Variants in UNC5C observed in about 807,000 individuals in gnomAD.
UNC5C encodes the protein netrin receptor UNC5C.
In UNC5C, 47 loss-of-function variants were observed where a neutral mutation model predicts 99.8. The ratio of observed to expected loss-of-function variants is 0.47; its 90% CI spans 0.37 to 0.60. UNC5C has a LOEUF of 0.60. UNC5C is among the 20% of genes least tolerant of loss of function. The probability of loss-of-function intolerance (pLI) is 0.00; values close to 1 mark genes in which losing one functional copy is unlikely to be tolerated. For synonymous variants in UNC5C, 487 were observed against 452.2 expected (o/e 1.08, Z -0.98); for missense variants, 1,062 against 1,165.9 (o/e 0.91, Z 1.30).
chr4:95,501,192 A>T (rs1721767293), intron 1 of UNC5C, among the ~76,000 whole-genome samples: 1 of 152,056 alleles, frequency 6.6e-6, no homozygotes, highest in African/African-American at 2.4e-5. Flanking sequence ...TGATAGTACA[A>T]TTAGGTTTTG....
intron 1 of UNC5C, among the ~76,000 whole-genome samples, chr4:95,378,788 C>T (rs939215269): frequency 4.6e-5 from 7 of 152,090 alleles, no homozygotes; most frequent in Admixed American, 1.3e-4. Flanking sequence ...TAGTGACTTC[C>T]TATAGCTACT....
At chr4:95,438,033 G>A (rs1465597698) in intron 1 of UNC5C, among the ~76,000 whole-genome samples, 2 of 146,666 alleles carry the variant, frequency 1.4e-5, no homozygotes, top group African/African-American at 2.5e-5. Context: ...AAAACTCATG[G>A]TAAAAGAAAC....
intron 1 of UNC5C, among the ~76,000 whole-genome samples, chr4:95,354,649 T>C (rs956407810): frequency 6.6e-6 from 1 of 151,660 alleles, no homozygotes; most frequent in African/African-American, 2.4e-5. Context: ...GCCTGGCTAA[T>C]GTTTACATTT....
intron 1 of UNC5C, among the ~76,000 whole-genome samples, chr4:95,482,509 G>T (rs1223148241): frequency 6.7e-6 from 1 of 148,822 alleles, no homozygotes; most frequent in East Asian, 2.0e-4. Flanking sequence ...CCATTACTGG[G>T]TATATACCCA....
At chr4:95,208,060 T>C (rs952546221) in intron 10 of UNC5C, among the ~76,000 whole-genome samples, 2 of 152,170 alleles carry the variant, frequency 1.3e-5, no homozygotes, top group African/African-American at 4.8e-5. Flanking sequence ...CGGGTTTCTA[T>C]CTTCATTTTC....
rs869293955 is a variant in UNC5C, at chr4:95,267,949, A to ATTTTTTTTTTTTTTTTTTTTTTT, written c.594+10309_594+10310insAAAAAAAAAAAAAAAAAAAAAAA. Among the ~76,000 whole-genome samples, 45 of 117,564 alleles carry ATTTTTTTTTTTTTTTTTTTTTTT rather than the reference A, an allele frequency of 3.8e-4. 2 individuals are homozygous for ATTTTTTTTTTTTTTTTTTTTTTT. The highest frequency in any genetic ancestry group is 6.2e-4 in the African/African-American group (18 of 29,162). The allele number at this position is 117,564 out of a possible 152,430, so 77.1% of individuals were successfully genotyped here. On this transcript the variant is annotated intron_variant, in intron 4 of 15. Transcript: ENST00000453304. ...ATGATCCTGTAGGCTGAATTTTGTG[A>ATTTTTTTTTTTTTTTTTTTTTTT]TTTTTTTTTTTTTTTTTTGAGACGG...
At chr4:95,368,297 G>GGAAA (rs1553967131) in intron 1 of UNC5C, among the ~76,000 whole-genome samples, 3 of 133,786 alleles carry the variant, frequency 2.2e-5, no homozygotes, top group Non-Finnish European at 3.2e-5. Context: ...CATCTTTTTT[G>GGAAA]AAAAAAAAAA....
chr4:95,223,102 A>G (rs1264608853), intron 7 of UNC5C, among the ~76,000 whole-genome samples: 1 of 152,196 alleles, frequency 6.6e-6, no homozygotes, highest in Non-Finnish European at 1.5e-5. Context: ...ATAATAATGC[A>G]ATATGGATAA....
At chr4:95,284,889 G>A (rs561938483) in intron 3 of UNC5C, among the ~76,000 whole-genome samples, 1 of 152,136 alleles carries the variant, frequency 6.6e-6, no homozygotes, top group Admixed American at 6.5e-5. Flanking sequence ...GAGCAACTTT[G>A]CCTGTCACTG....
intron 1 of UNC5C, among the ~76,000 whole-genome samples, chr4:95,447,948 T>C (rs1269410076): frequency 6.6e-6 from 1 of 152,130 alleles, no homozygotes; most frequent in Non-Finnish European, 1.5e-5. Context: ...CACCATAGGA[T>C]AGACAGAATT....
chr4:95,461,497 T>G (rs1747598280), intron 1 of UNC5C, among the ~76,000 whole-genome samples: 1 of 97,482 alleles, frequency 1.0e-5, no homozygotes, highest in Non-Finnish European at 2.0e-5. Context: ...AACAAGAGAA[T>G]CAAGTATTTA....
At chr4:95,216,303 GCT>G in intron 9 of UNC5C, 92 bp from the exon 10 acceptor site, 2 of 931,718 alleles carry the variant, frequency 2.1e-6, no homozygotes, top group Non-Finnish European at 3.3e-6. Flanking sequence ...CCATAAGCCT[GCT>G]TCATTTTCTC....
intron 1 of UNC5C, among the ~76,000 whole-genome samples, chr4:95,489,782 G>A (rs536203253): frequency 1.3e-5 from 2 of 151,780 alleles, no homozygotes; most frequent in Admixed American, 6.6e-5. Context: ...TTGGGGTAAC[G>A]GAAGAAGGGG....
chr4:95,316,931 G>C (rs573765847), intron 2 of UNC5C, among the ~76,000 whole-genome samples: 1 of 145,986 alleles, frequency 6.8e-6, no homozygotes, highest in Non-Finnish European at 1.5e-5. Flanking sequence ...TAATGACAGA[G>C]AATGGCTGTA....
intron 1 of UNC5C, among the ~76,000 whole-genome samples, chr4:95,500,489 T>G (rs967522312): frequency 6.6e-6 from 1 of 152,172 alleles, no homozygotes; most frequent in Middle Eastern, 3.4e-3. Flanking sequence ...CATTAATAAG[T>G]TTTTTCCTAA....
At chr4:95,541,157 C>G (rs1455382513) in intron 1 of UNC5C, among the ~76,000 whole-genome samples, 1 of 152,154 alleles carries the variant, frequency 6.6e-6, no homozygotes, top group Non-Finnish European at 1.5e-5. Context: ...AGTTCACTTT[C>G]TGCAGTTTCA....
chr4:95,445,169 T>C (rs28613583), intron 1 of UNC5C, among the ~76,000 whole-genome samples: 24,094 of 152,082 alleles, frequency 0.16, 2,094 homozygotes, highest in Middle Eastern at 0.28. Flanking sequence ...ATATAACAAA[T>C]ATATATCAAT....
intron 7 of UNC5C, among the ~76,000 whole-genome samples, chr4:95,224,619 C>CATTA: frequency 6.6e-6 from 1 of 152,184 alleles, no homozygotes; most frequent in South Asian, 2.1e-4. Flanking sequence ...TTCATTCATT[C>CATTA]ATTCATTCAT....
At chr4:95,362,861 C>G (rs745672673) in intron 1 of UNC5C, among the ~76,000 whole-genome samples, 1 of 151,942 alleles carries the variant, frequency 6.6e-6, no homozygotes, top group Non-Finnish European at 1.5e-5. Context: ...GAAAATGAAA[C>G]AAGTTATAAA....
Sources: allele counts gnomAD v4.1 joint callset (sites outside exome capture counted in the v4.1 genomes callset), GRCh38; gene constraint gnomAD v4.1.1; transcripts MANE v1.5; gene names NCBI Gene and HGNC (gene_info 2026-07-23, HGNC 2026-07-21).